The following MICU1 variants were observed in gnomAD, a reference collection of about 807,000 sequenced individuals.
The protein encoded by MICU1 is mitochondrial calcium uptake 1.
MICU1 carries 45 observed loss-of-function variants against 56.8 expected under a neutral mutation model. That is an observed-to-expected ratio of 0.79 (90% confidence interval 0.62 to 1.02). The LOEUF (loss-of-function observed/expected upper bound fraction) is 1.02, where lower values mean the gene tolerates loss of function less well. Ranked by LOEUF, MICU1 falls within the 50% of genes least tolerant of loss-of-function variation. MICU1 has a pLI of 0.00. For synonymous variants in MICU1, 186 were observed against 195.1 expected, an observed-to-expected ratio of 0.95 and a Z score of 0.39; for missense variants, 504 against 587.1, an observed-to-expected ratio of 0.86 and a Z score of 1.46.
At chr10:72,558,662 A>G (rs1469625224) in intron 3 of MICU1, among the ~76,000 whole-genome samples, 1 of 152,194 alleles carries the variant, frequency 6.6e-6, no homozygotes, top group Non-Finnish European at 1.5e-5. Context: ...CTTCAATACA[A>G]TGAAGCACAG....
chr10:72,567,900 G>A (rs1361482032), intron 1 of MICU1, among the ~76,000 whole-genome samples: 2 of 152,042 alleles, frequency 1.3e-5, no homozygotes, highest in Non-Finnish European at 2.9e-5. Context: ...ATCACAAACG[G>A]GACAATGAAA....
chr10:72,369,820 T>G lies in MICU1; in HGVS notation c.1271-1465A>C, dbSNP rs570708773. On this transcript the variant is annotated intron_variant, in intron 11 of 11. Transcript: ENST00000361114. ...GCCTCCCAGGTTCAAGCGATTCTCC[T>G]GCCTCAGCCTCCTGAGTAGCTGCAA... 2.0e-5 allele frequency among the ~76,000 whole-genome samples: 3 copies of G among 152,264 alleles called. No individual in the cohort carries two copies. In the South Asian group the frequency reaches 6.2e-4, roughly 32 times the overall value.
intron 6 of MICU1, among the ~76,000 whole-genome samples, chr10:72,502,158 G>T (rs12782085): frequency 0.49 from 64,466 of 131,626 alleles, 17,653 homozygotes; most frequent in Non-Finnish European, 0.64. Flanking sequence ...TTTTTTTTTT[G>T]TTTTTTTTTT....
chr10:72,394,852 T>C (rs543393421), intron 10 of MICU1, among the ~76,000 whole-genome samples: 1 of 152,166 alleles, frequency 6.6e-6, no homozygotes, highest in Admixed American at 6.5e-5. Context: ...TAAATGTATC[T>C]ATCTGTTAAC....
chr10:72,399,354 C>T (rs1325054493), intron 10 of MICU1, among the ~76,000 whole-genome samples: 2 of 152,046 alleles, frequency 1.3e-5, no homozygotes, highest in Non-Finnish European at 2.9e-5. Flanking sequence ...GGAGATATAC[C>T]TAATGTAAAT....
In MICU1 at chr10:72,512,644, G is replaced by C. The variant is rs144342740; in HGVS notation, c.538-4375C>G. 7.5e-3 allele frequency among the ~76,000 whole-genome samples: 1,149 copies of C among 152,188 alleles called. 12 individuals carry two copies. The highest frequency in any genetic ancestry group is 0.026 in the African/African-American group (1,064 of 41,536). On this transcript the variant is annotated intron_variant, in intron 5 of 11. Transcript: ENST00000361114. ...CAATTCTTTTGGTATGTACTAAGGA[G>C]AGGAACTGCTGGGTCATATGGCAGC...
rs190711464 is a variant in MICU1, at chr10:72,457,895, G to A, written c.933+17205C>T. ...CATGAAAAGTATTTCTAGGCTGGGC[G>A]CAGTGGCTCATGCTTGTAATCCCAG... On this transcript the variant is annotated intron_variant, in intron 8 of 11. Coordinates refer to ENST00000361114, the MANE Select transcript of MICU1 (RefSeq NM_001195518.2). Among the ~76,000 whole-genome samples the A allele has an allele frequency of 5.1e-3, 783 of 152,196 alleles. 27 individuals are homozygous for A. Among genetic ancestry groups the A allele is most frequent in the South Asian group, 1.7e-3 (8 of 4,822 alleles).
chr10:72,456,368 G>A (rs887496138), intron 8 of MICU1, among the ~76,000 whole-genome samples: 1 of 152,176 alleles, frequency 6.6e-6, no homozygotes, highest in Non-Finnish European at 1.5e-5. Context: ...TGACCAAAAG[G>A]ATAAGGCAGA....
intron 9 of MICU1, among the ~76,000 whole-genome samples, chr10:72,420,549 T>C (rs1864124879): frequency 6.6e-6 from 1 of 152,208 alleles, no homozygotes; most frequent in African/African-American, 2.4e-5. Context: ...CCAGGTTAGA[T>C]TCTTGGTCAT....
intron 10 of MICU1, among the ~76,000 whole-genome samples, chr10:72,389,926 A>G (rs994545129): frequency 9.2e-5 from 14 of 152,236 alleles, no homozygotes; most frequent in African/African-American, 3.1e-4. Flanking sequence ...GAGAGGTCAT[A>G]GATCTAATTT....
At chr10:72,456,237 C>T (rs1865453520) in intron 8 of MICU1, among the ~76,000 whole-genome samples, 6 of 152,182 alleles carry the variant, frequency 3.9e-5, no homozygotes, top group Admixed American at 3.9e-4. Flanking sequence ...TGACACAGCC[C>T]TCCTGAGGCT....
At chr10:72,375,656 A>T (rs1862491558) in intron 11 of MICU1, 127 bp downstream of exon 11, 3 of 812,370 alleles carry the variant, frequency 3.7e-6, no homozygotes, top group Non-Finnish European at 5.6e-6. Context: ...TGCTAATGTG[A>T]GAAAGGTGGG....
At position 72,559,460 on chromosome 10, in the gene MICU1, C is replaced by T. The variant is rs149145424; in HGVS notation, c.330+3435G>A. Among the ~76,000 whole-genome samples the T allele has an allele frequency of 3.2e-3, 482 of 151,496 alleles. 3 individuals carry two copies. Among genetic ancestry groups the T allele is most frequent in the African/African-American group, 0.011 (452 of 41,400 alleles). On this transcript the variant is annotated intron_variant, in intron 3 of 11. Coordinates refer to ENST00000361114, the MANE Select transcript of MICU1 (RefSeq NM_001195518.2). ...TTTTATAAAATATAAAAACATATTA[C>T]TCTATTTTTTCTCTGAATATTTGAA... is the stretch of plus-strand genomic sequence containing the variant.
At position 72,450,386 on chromosome 10, in the gene MICU1, G is replaced by A. The variant is rs976922331; in HGVS notation, c.933+24714C>T. ...GATGAGATGAATCACGTAGTTAGGC[G>A]GCAACTGAAGTAGCCCAAGCAAAAG... is the stretch of plus-strand genomic sequence containing the variant. On this transcript the variant is annotated intron_variant, in intron 8 of 11. Coordinates refer to ENST00000361114, the MANE Select transcript of MICU1 (RefSeq NM_001195518.2). 4.0e-5 allele frequency among the ~76,000 whole-genome samples: 6 copies of A among 151,832 alleles called. No individual in the cohort carries two copies. The East Asian group carries it at 7.8e-4, about 20-fold the overall frequency.
At chr10:72,611,311 A>G (rs556288956) in intron 1 of MICU1, among the ~76,000 whole-genome samples, 13 of 145,400 alleles carry the variant, frequency 8.9e-5, no homozygotes, top group African/African-American at 1.3e-4. Context: ...TAAAAAAAAA[A>G]AAAGAAAGAA....
At chr10:72,405,799 T>C (rs1030312016) in intron 10 of MICU1, among the ~76,000 whole-genome samples, 2 of 152,148 alleles carry the variant, frequency 1.3e-5, no homozygotes, top group Non-Finnish European at 2.9e-5. Flanking sequence ...ACAGGAGCCA[T>C]TGATGACAAA....
At chr10:72,373,238 G>A (rs954767787) in intron 11 of MICU1, among the ~76,000 whole-genome samples, 2 of 149,996 alleles carry the variant, frequency 1.3e-5, no homozygotes, top group East Asian at 2.0e-4. Context: ...GGAGTGCAGC[G>A]CTAGGATCAT....
At chr10:72,529,969 T>C (rs1402850743) in intron 5 of MICU1, among the ~76,000 whole-genome samples, 2 of 89,086 alleles carry the variant, frequency 2.2e-5, no homozygotes, top group African/African-American at 4.0e-5. Context: ...TTTTTTTTTT[T>C]CTTTTCACAA....
chr10:72,587,174 G>C (rs1412979276), intron 1 of MICU1, among the ~76,000 whole-genome samples: 1 of 152,114 alleles, frequency 6.6e-6, no homozygotes, highest in Non-Finnish European at 1.5e-5. Context: ...GTAAAAGTAA[G>C]TCTACATTAA....
Sources: allele counts gnomAD v4.1 joint callset (sites outside exome capture counted in the v4.1 genomes callset), GRCh38; gene constraint gnomAD v4.1.1; transcripts MANE v1.5; gene names NCBI Gene and HGNC (gene_info 2026-07-23, HGNC 2026-07-21).